The following OR56A1 variants were observed in gnomAD, a reference collection of about 807,000 sequenced individuals.
The protein encoded by OR56A1 is olfactory receptor 56A1.
For missense variants in OR56A1, 360 were observed against 380.9 expected (o/e 0.94, Z 0.46); for synonymous variants, 174 against 159.1 (o/e 1.09, Z -0.70).
upstream of OR56A1, among the ~76,000 whole-genome samples, chr11:6,031,386 G>A (rs985231350): frequency 2.0e-5 from 3 of 152,060 alleles, no homozygotes; most frequent in Non-Finnish European, 4.4e-5. Flanking sequence ...CCAGATTTAG[G>A]GTACGTACAG....
intron 1 of OR56A1, among the ~76,000 whole-genome samples, chr11:6,029,763 C>T (rs938669244): frequency 2.6e-5 from 4 of 152,262 alleles, no homozygotes; most frequent in East Asian, 1.9e-4. Flanking sequence ...ACATTTTCTT[C>T]GCTTTTCTTC....
In OR56A1 at chr11:6,027,577, A is replaced by G; in HGVS notation, c.116T>C (p.Leu39Pro). 3 of 1,614,028 alleles carry G rather than the reference A, an allele frequency of 1.9e-6. No individual in the cohort carries two copies. The highest frequency in any genetic ancestry group is 1.1e-5 in the South Asian group (1 of 91,048). The change falls in exon 2 of 2, where the codon CTC becomes CCC. Residue 39 changes from leucine (L) to proline (P), a missense_variant. Coordinates refer to ENST00000641900, the MANE Select transcript of OR56A1 (RefSeq NM_001388488.1). ...WLSLPLSLLF[L>P]LAMGANTTLL... ...GGTGGTGTTAGCTCCCATGGCCAGG[A>G]GGAAGAGAAGGCTGAGGGGCAGGGA...
chr11:6,027,359 G>C lies in OR56A1; in HGVS notation c.334C>G (p.Pro112Ala). 6.2e-7 allele frequency: 1 copy of C among 1,614,216 alleles called. No homozygotes were observed. Among genetic ancestry groups the C allele is most frequent in the Non-Finnish European group, 8.5e-7 (1 of 1,180,038 alleles). Residue 112 changes from proline to alanine, a missense_variant, in exon 2 of 2, where the codon CCC (proline) becomes GCC (alanine). Coordinates refer to ENST00000641900, the MANE Select transcript of OR56A1 (RefSeq NM_001388488.1). ...LQMFIMNSFL[P>A]MESCTFMVMA... The stretch of plus-strand genomic sequence containing the variant: ...ACCATAAACGTGCAGGACTCCATGG[G>C]GAGGAAACTGTTCATGATGAACATC...
At chr11:6,032,596 A>C (rs986894105), upstream of OR56A1, among the ~76,000 whole-genome samples, 1 of 152,154 alleles carries the variant, frequency 6.6e-6, no homozygotes, top group African/African-American at 2.4e-5. Flanking sequence ...CCACAGTTTC[A>C]GTGGGCTGAG....
rs546508034 is a variant in OR56A1 at position 6,019,809 on chromosome 11, T to C, written c.*6939A>G. 1 of 152,242 alleles carries C rather than the reference T, an allele frequency of 6.6e-6. No individual in the cohort carries two copies. The highest frequency in any genetic ancestry group is 1.9e-4 in the East Asian group (1 of 5,186). 9.4% of individuals were successfully genotyped at this position (152,242 alleles called of 1,614,324 possible). ...GCCAAAAGTGAATGTCAGAAGGCTT[T>C]TTCTCAAAAGCATTTAGGCACAGTA... is the stretch of plus-strand genomic sequence containing the variant. On this transcript the variant is annotated 3_prime_UTR_variant, in exon 2 of 2. Transcript: ENST00000641900.
At position 6,026,021 on chromosome 11, in the gene OR56A1, T is replaced by C. The variant is rs1436479850; in HGVS notation, c.*727A>G. 6.6e-6 allele frequency: 1 copy of C among 152,158 alleles called. No homozygotes were observed. The highest frequency in any genetic ancestry group is 1.5e-5 in the Non-Finnish European group (1 of 68,030). The allele number at this position is 152,158 out of a possible 1,614,324, so 9.4% of individuals were successfully genotyped here. A position where few individuals can be genotyped will look rare whatever the true frequency, so the allele number is the denominator to read the frequency against. Reference sequence around the variant, plus strand: ...TCACTGAATGTGTAGCTTAAACATATAGGGAAAGTGGCCAACACAATGTCC... The same window carrying C: ...TCACTGAATGTGTAGCTTAAACATACAGGGAAAGTGGCCAACACAATGTCC... On this transcript the variant is annotated 3_prime_UTR_variant, in exon 2 of 2. Transcript: ENST00000641900.
At chr11:6,030,544 A>T (rs1363661661) in intron 1 of OR56A1, among the ~76,000 whole-genome samples, 158 bp downstream of exon 1, 1 of 151,562 alleles carries the variant, frequency 6.6e-6, no homozygotes, top group Non-Finnish European at 1.5e-5. Context: ...TATATTATCT[A>T]CCTCCTTCCT....
upstream of OR56A1, among the ~76,000 whole-genome samples, chr11:6,031,122 T>C (rs1196658865): frequency 6.6e-6 from 1 of 152,166 alleles, no homozygotes; most frequent in Non-Finnish European, 1.5e-5. Context: ...ATCTGTGTAG[T>C]GTATTGAAGA....
rs763000102 is a variant in OR56A1 at position 6,027,360 on chromosome 11, G to A, written c.333C>T (p.Leu111=). 5 of 1,614,236 alleles carry A rather than the reference G, an allele frequency of 3.1e-6. No homozygotes were observed. The highest frequency in any genetic ancestry group is 4.2e-6 in the Non-Finnish European group (5 of 1,180,048). ...CCATAAACGTGCAGGACTCCATGGG[G>A]AGGAAACTGTTCATGATGAACATCT... ...FLQMFIMNSF[L]PMESCTFMVM... The change falls in exon 2 of 2, where the codon CTC becomes CTT. Residue 111 remains leucine (L), a synonymous_variant. Coordinates refer to ENST00000641900, the MANE Select transcript of OR56A1 (RefSeq NM_001388488.1).
Position 6,026,751 on chromosome 11 carries a change from C to A in OR56A1, c.942G>T (p.Arg314Ser). 2 of 1,568,942 alleles carry A rather than the reference C, an allele frequency of 1.3e-6. No homozygotes were observed. The highest frequency in any genetic ancestry group is 1.8e-5 in the Admixed American group (1 of 56,890). ...QGIQKLLQRG[R>S] ...GTATTAGAAATGCTTTACATATTCA[C>A]CTCCCTCTCTGCAGTAACTTCTGAA... Residue 314 changes from arginine to serine, a missense_variant, in exon 2 of 2, where the codon AGG becomes AGT. Arg to Ser is a moderately radical substitution (Grantham distance 110). Coordinates refer to ENST00000641900, the MANE Select transcript of OR56A1 (RefSeq NM_001388488.1).
At position 6,027,713 on chromosome 11, in the gene OR56A1, T is replaced by C. The variant is rs1021815593; in HGVS notation, c.-21A>G. 3.2e-6 allele frequency: 5 copies of C among 1,539,014 alleles called. No individual in the cohort carries two copies. Among genetic ancestry groups the C allele is most frequent in the Non-Finnish European group, 4.4e-6 (5 of 1,140,496 alleles). ...GCCATAGGCTGAATCATGAGCTGAG[T>C]AGGCTTCTGATGACTATGTTTATGG... On this transcript the variant is annotated 5_prime_UTR_variant, in exon 2 of 2. Transcript: ENST00000641900.
chr11:6,027,213 T>G lies in OR56A1; in HGVS notation c.480A>C (p.Ala160=), dbSNP rs780266329. The G allele has an allele frequency of 1.1e-5, 17 of 1,613,944 alleles. No individual in the cohort carries two copies. The Admixed American group carries it at 2.8e-4, about 27-fold the overall frequency. Residue 160 remains alanine (A), a synonymous_variant, in exon 2 of 2, where the codon GCA becomes GCC. Coordinates refer to ENST00000641900, the MANE Select transcript of OR56A1 (RefSeq NM_001388488.1). ...GCAGGGAAGTGAGGATAGGAATGGG[T>G]GCAGTAAGAAGCGCATTCCGCACCA... ...FIVVRNALLT[A]PIPILTSLLH...
Position 6,027,232 on chromosome 11 carries a change from C to T in OR56A1, c.461G>A (p.Arg154Gln), listed in dbSNP as rs770347649. Residue 154 changes from arginine to glutamine, a missense_variant, in exon 2 of 2, where the codon CGG becomes CAG. By Grantham distance (43) the Arg-to-Gln change is conservative. Coordinates refer to ENST00000641900, the MANE Select transcript of OR56A1 (RefSeq NM_001388488.1). The stretch of plus-strand genomic sequence containing the variant: ...AATGGGTGCAGTAAGAAGCGCATTC[C>T]GCACCACAATGAAGACACTAGCTTT... ...VAKASVFIVVRNALLTAPIPI... is the reference protein window; with the variant it reads ...VAKASVFIVVQNALLTAPIPI... 1.1e-5 allele frequency: 17 copies of T among 1,614,034 alleles called. No homozygotes were observed. Among genetic ancestry groups the T allele is most frequent in the Admixed American group, 3.3e-5 (2 of 60,022 alleles).
rs1848402962 is a variant in OR56A1, at chr11:6,022,134, A to C, written c.*4614T>G. 6.6e-6 allele frequency: 1 copy of C among 152,108 alleles called. No homozygotes were observed. Among genetic ancestry groups the C allele is most frequent in the Non-Finnish European group, 1.5e-5 (1 of 68,000 alleles). 9.4% of individuals were successfully genotyped at this position (152,108 alleles called of 1,614,324 possible). A position where few individuals can be genotyped will look rare whatever the true frequency, so the allele number is the denominator to read the frequency against. On this transcript the variant is annotated 3_prime_UTR_variant, in exon 2 of 2. Coordinates refer to ENST00000641900, the MANE Select transcript of OR56A1 (RefSeq NM_001388488.1). ...GGAAAAAGAGAAATGAAAATTTATG[A>C]TCAAGGCTCTTTTGCAAGCAGCTGG... is the stretch of plus-strand genomic sequence containing the variant.
chr11:6,019,443 G>T lies in OR56A1; in HGVS notation c.*7305C>A, dbSNP rs1016238995. 8 of 152,276 alleles carry T rather than the reference G, an allele frequency of 5.3e-5. No individual in the cohort carries two copies. Among genetic ancestry groups the T allele is most frequent in the Non-Finnish European group, 1.0e-4 (7 of 68,022 alleles). 9.4% of individuals were successfully genotyped at this position (152,276 alleles called of 1,614,324 possible). On this transcript the variant is annotated 3_prime_UTR_variant, in exon 2 of 2. Transcript: ENST00000641900. ...TGCTGATAAAGACTTATCTGAAACT[G>T]GGCAATTTACAAAAGAAATAGGTTT...
rs889541230 is a variant in OR56A1, at chr11:6,024,188, C to G, written c.*2560G>C. The G allele has an allele frequency of 6.6e-6, 1 of 152,194 alleles. No individual in the cohort carries two copies. The highest frequency in any genetic ancestry group is 2.4e-5 in the African/African-American group (1 of 41,454). The allele number at this position is 152,194 out of a possible 1,614,324, so 9.4% of individuals were successfully genotyped here. On this transcript the variant is annotated 3_prime_UTR_variant, in exon 2 of 2. Coordinates refer to ENST00000641900, the MANE Select transcript of OR56A1 (RefSeq NM_001388488.1). ...AATATCATAAGTAAGGAAATGTTTA[C>G]TGAGCCCCTCAATATGTGAGAGCTG...
At chr11:6,032,404 C>T (rs1207555926), upstream of OR56A1, among the ~76,000 whole-genome samples, 14 of 152,222 alleles carry the variant, frequency 9.2e-5, no homozygotes, top group Non-Finnish European at 2.9e-5. Context: ...TCTCTATCTC[C>T]CTCCACTCTG....
chr11:6,030,448 G>C (rs1352470656), intron 1 of OR56A1, among the ~76,000 whole-genome samples: 1 of 151,870 alleles, frequency 6.6e-6, no homozygotes. Context: ...GGTACACATA[G>C]TTAACTGACT....
rs1848435043 is a variant in OR56A1 at position 6,025,201 on chromosome 11, G to A, written c.*1547C>T. ...CAGTGCACTGCAGGGTGATGTTATA[G>A]GTGCTCCTCAGTAGTCACAAGCTTT... On this transcript the variant is annotated 3_prime_UTR_variant, in exon 2 of 2. Coordinates refer to ENST00000641900, the MANE Select transcript of OR56A1 (RefSeq NM_001388488.1). 1.3e-5 allele frequency: 2 copies of A among 152,300 alleles called. No individual in the cohort carries two copies. The highest frequency in any genetic ancestry group is 4.8e-5 in the African/African-American group (2 of 41,550). 9.4% of individuals were successfully genotyped at this position (152,300 alleles called of 1,614,324 possible). A position where few individuals can be genotyped will look rare whatever the true frequency, so the allele number is the denominator to read the frequency against.
Sources: gnomAD v4.1 joint callset for allele counts (sites outside exome capture counted in the v4.1 genomes callset) on GRCh38, gnomAD v4.1.1 for gene constraint, MANE v1.5 for transcripts, NCBI Gene and HGNC (gene_info 2026-07-23, HGNC 2026-07-21) for gene names.